The following LRRC17 variants were observed in gnomAD, a reference collection of about 807,000 sequenced individuals.
LRRC17 encodes the protein leucine-rich repeat-containing protein 17.
A neutral mutation model predicts 41.5 loss-of-function variants in LRRC17; 33 were observed. The ratio of observed to expected loss-of-function variants is 0.80; its 90% CI spans 0.60 to 1.06. The LOEUF (loss-of-function observed/expected upper bound fraction) is 1.06, where lower values mean the gene tolerates loss of function less well. Among genes scored for constraint, LRRC17 ranks in the 50% least tolerant of loss-of-function variants. The pLI is 0.00. For missense variants in LRRC17, 491 were observed against 519.3 expected (o/e 0.95, Z 0.53); for synonymous variants, 192 against 197.0 (o/e 0.97, Z 0.21).
chr7:102,934,142 C>CAG lies in LRRC17; in HGVS notation c.229_230insAG (p.Pro77GlnfsTer13). On this transcript the variant is annotated frameshift_variant, in exon 2 of 4. Coordinates refer to ENST00000339431, the MANE Select transcript of LRRC17 (RefSeq NM_001031692.3). LOFTEE classifies it high-confidence loss of function. ...AGAAAGAAAATTAGTTTATGTGCTG[C>CAG]CTGGTTGGCCTCAGGATTTGCTGCA... The CAG allele has an allele frequency of 6.2e-7, 1 of 1,614,122 alleles. No homozygotes were observed. The highest frequency in any genetic ancestry group is 8.5e-7 in the Non-Finnish European group (1 of 1,179,982).
intron 2 of LRRC17, among the ~76,000 whole-genome samples, chr7:102,935,463 G>T (rs1052162399): frequency 9.9e-5 from 15 of 151,752 alleles, no homozygotes; most frequent in African/African-American, 2.9e-4. Flanking sequence ...AAAATTTAAA[G>T]AACTAAATTT....
chr7:102,944,546 A>G lies in LRRC17; in HGVS notation c.1265A>G (p.Glu422Gly), dbSNP rs763403763. 4 of 1,612,632 alleles carry G rather than the reference A, an allele frequency of 2.5e-6. No individual in the cohort carries two copies. The highest frequency in any genetic ancestry group is 2.2e-5 in the East Asian group (1 of 44,864). Residue 422 changes from glutamate to glycine, a missense_variant, in exon 4 of 4, where the codon GAA becomes GGA. Coordinates refer to ENST00000339431, the MANE Select transcript of LRRC17 (RefSeq NM_001031692.3). ...CAAGACACAGAAGATGATGAATGGG[A>G]AAAAAAACATAGAGATCACACCGCA... ...FDQDTEDDEWEKKHRDHTAKK... is the reference protein window; with the variant it reads ...FDQDTEDDEWGKKHRDHTAKK...
At chr7:102,923,941 T>C (rs574859950) in intron 1 of LRRC17, among the ~76,000 whole-genome samples, 8 of 151,114 alleles carry the variant, frequency 5.3e-5, no homozygotes, top group Non-Finnish European at 8.9e-5. Flanking sequence ...TTTAACAACA[T>C]TTAAAATGTA....
At chr7:102,943,191 G>T (rs1462046254) in intron 3 of LRRC17, among the ~76,000 whole-genome samples, 2 of 152,178 alleles carry the variant, frequency 1.3e-5, no homozygotes, top group South Asian at 2.1e-4. Context: ...TGTTTTCTAG[G>T]CATTTTCAGT....
At chr7:102,935,376 C>T (rs948996218) in intron 2 of LRRC17, among the ~76,000 whole-genome samples, 2 of 150,798 alleles carry the variant, frequency 1.3e-5, no homozygotes, top group Non-Finnish European at 2.9e-5. Flanking sequence ...CTCAGCCTCT[C>T]GAGTAGCTGA....
At chr7:102,942,440 T>G in intron 3 of LRRC17, 1 of 1,100,070 alleles carries the variant, frequency 9.1e-7, no homozygotes, top group Admixed American at 2.6e-5. Context: ...AGAAAGAAGA[T>G]ACCCTACTAG....
rs1251290871 is a variant in LRRC17 at position 102,944,676 on chromosome 7, A to G, written c.*69A>G. ...CTGGTGTTAGAAAACATATGTTTAC[A>G]TTTGATTAACTGTGTTGCCTATTTA... On this transcript the variant is annotated 3_prime_UTR_variant, in exon 4 of 4. Transcript: ENST00000339431. 1.4e-6 allele frequency: 2 copies of G among 1,383,480 alleles called. No individual in the cohort carries two copies. The highest frequency in any genetic ancestry group is 1.9e-6 in the Non-Finnish European group (2 of 1,025,972). The allele number at this position is 1,383,480 out of a possible 1,614,324, so 85.7% of individuals were successfully genotyped here.
Position 102,945,067 on chromosome 7 carries a change from ATACAT to A in LRRC17, c.*463_*467del, listed in dbSNP as rs1410955200. 1.3e-5 allele frequency: 2 copies of A among 152,908 alleles called. No homozygotes were observed. The highest frequency in any genetic ancestry group is 4.8e-5 in the African/African-American group (2 of 41,464). The allele number at this position is 152,908 out of a possible 1,614,324, so 9.5% of individuals were successfully genotyped here. On this transcript the variant is annotated 3_prime_UTR_variant, in exon 4 of 4. Coordinates refer to ENST00000339431, the MANE Select transcript of LRRC17 (RefSeq NM_001031692.3). Reference sequence around the variant, plus strand: ...CTACTTTTTTTCAGTAAGTCATCTTATACATTAAATAAATTTCCATTTCTGATTTC... The same window carrying A: ...CTACTTTTTTTCAGTAAGTCATCTTATAAATAAATTTCCATTTCTGATTTC...
At chr7:102,930,823 A>C (rs1296743215) in intron 1 of LRRC17, among the ~76,000 whole-genome samples, 2 of 152,224 alleles carry the variant, frequency 1.3e-5, no homozygotes, top group African/African-American at 2.4e-5. Context: ...TGTCAACCCA[A>C]GATGGAATCT....
In LRRC17 at chr7:102,934,578, C is replaced by G; in HGVS notation, c.665C>G (p.Pro222Arg). 1 of 1,613,958 alleles carries G rather than the reference C, an allele frequency of 6.2e-7. No homozygotes were observed. Among genetic ancestry groups the G allele is most frequent in the Non-Finnish European group, 8.5e-7 (1 of 1,179,956 alleles). Residue 222 changes from proline (P) to arginine (R), a missense_variant, in exon 2 of 4, where the codon CCG becomes CGG. Physicochemically the swap from Pro to Arg is moderately radical, Grantham distance 103. Transcript: ENST00000339431. ...CNEEEKEQLD[P>R]KPQVSGRPPV... ...GAAGAAGAAAAGGAACAATTGGACC[C>G]GAAACCCCAAGTGTCAGGGAGACCC...
intron 1 of LRRC17, chr7:102,932,057 G>GTAAGGCTCAACTTTAAGTCTGCTCCTC: frequency 1.2e-6 from 1 of 822,608 alleles, no homozygotes; most frequent in African/African-American, 1.7e-5. Context: ...CAAGTAACAT[G>GTAAGGCTCAACTTTAAGTCTGCTCCTC]TTCTAAGTAT....
chr7:102,915,122 ATTTT>A (rs386410852), intron 1 of LRRC17, among the ~76,000 whole-genome samples: 1 of 128,056 alleles, frequency 7.8e-6, no homozygotes. Context: ...AGATTAAAAT[ATTTT>A]TTTTTTTTTT....
At chr7:102,935,242 CTTTTTTTTTTTTT>C (rs71106700) in intron 2 of LRRC17, among the ~76,000 whole-genome samples, 2 of 76,402 alleles carry the variant, frequency 2.6e-5, no homozygotes, top group Non-Finnish European at 4.5e-5. Context: ...TTTTTTCTTT[CTTTTTTTTTTTTT>C]TTTTTTTTTT....
intron 1 of LRRC17, among the ~76,000 whole-genome samples, chr7:102,921,478 G>C (rs1161983171): frequency 1.3e-5 from 2 of 151,952 alleles, no homozygotes; most frequent in Non-Finnish European, 2.9e-5. Context: ...TCAGGAGTTT[G>C]AGACCAGCCT....
Position 102,934,341 on chromosome 7 carries a change from T to A in LRRC17, c.428T>A (p.Val143Asp). 6.2e-7 allele frequency: 1 copy of A among 1,614,094 alleles called. No homozygotes were observed. The highest frequency in any genetic ancestry group is 1.7e-5 in the Admixed American group (1 of 60,016). ...TTACTGCAGCACAACCAGATCAAAG[T>A]CTTGACGGAGGAAGTGTTCATTTAC... ...TLLLQHNQIK[V>D]LTEEVFIYTP... is the part of the protein sequence containing the mutation. Residue 143 changes from valine (V) to aspartate (D), a missense_variant, in exon 2 of 4, where the codon GTC becomes GAC. Physicochemically the swap from Val to Asp is radical, Grantham distance 152. Transcript: ENST00000339431.
chr7:102,940,002 C>A (rs548859051), intron 3 of LRRC17, among the ~76,000 whole-genome samples: 26 of 151,674 alleles, frequency 1.7e-4, no homozygotes, highest in African/African-American at 6.3e-4. Flanking sequence ...TCAAGCAATT[C>A]TCCTGCCTCA....
chr7:102,918,052 A>G (rs926629631), intron 1 of LRRC17, among the ~76,000 whole-genome samples: 2 of 152,224 alleles, frequency 1.3e-5, no homozygotes, highest in Non-Finnish European at 2.9e-5. Flanking sequence ...CTTGGCAAGT[A>G]CTTTTTTTGG....
chr7:102,938,828 A>G (rs937484974), intron 2 of LRRC17, among the ~76,000 whole-genome samples: 4 of 152,214 alleles, frequency 2.6e-5, no homozygotes, highest in African/African-American at 7.2e-5. Context: ...TCTAAGCCAC[A>G]CTAGGAAAGC....
intron 1 of LRRC17, among the ~76,000 whole-genome samples, chr7:102,931,284 G>A (rs1322917359): frequency 3.9e-5 from 6 of 152,224 alleles, no homozygotes; most frequent in African/African-American, 1.2e-4. Flanking sequence ...GGCTGGAAAG[G>A]GAGGCAGAGG....
Sources: gnomAD v4.1 joint callset for allele counts (sites outside exome capture counted in the v4.1 genomes callset) on GRCh38, gnomAD v4.1.1 for gene constraint, MANE v1.5 for transcripts, NCBI Gene and HGNC (gene_info 2026-07-23, HGNC 2026-07-21) for gene names.